The following SCUBE2 variants were observed in gnomAD, a reference collection of about 807,000 sequenced individuals.
The protein encoded by SCUBE2 is signal peptide, CUB and EGF-like domain-containing protein 2.
In SCUBE2, 114 loss-of-function variants were observed where a neutral mutation model predicts 125.9. The ratio of observed to expected loss-of-function variants is 0.91; its 90% CI spans 0.78 to 1.06. The LOEUF (loss-of-function observed/expected upper bound fraction) is 1.06, where lower values mean the gene tolerates loss of function less well. Ranked by LOEUF, SCUBE2 falls within the 50% of genes least tolerant of loss-of-function variation. SCUBE2 has a pLI of 0.00. For missense variants in SCUBE2, 1,255 were observed against 1,301.8 expected (o/e 0.96, Z 0.55); for synonymous variants, 459 against 492.9 (o/e 0.93, Z 0.91).
intron 7 of SCUBE2, chr11:9,065,094 G>A (rs2135686633): frequency 6.6e-6 from 1 of 152,276 alleles, no homozygotes; most frequent in South Asian, 2.1e-4. Flanking sequence ...TGCTTCAGAG[G>A]AAGACAGCTG....
In SCUBE2 at chr11:9,020,858, C is replaced by T. The variant is rs1021008910; in HGVS notation, c.*187G>A. On this transcript the variant is annotated 3_prime_UTR_variant, in exon 23 of 23. Transcript: ENST00000649792. The stretch of plus-strand genomic sequence containing the variant: ...CAAAGCCATTCTCAGTCTACATCCA[C>T]GATGCTGGGAAAGAAAAACCAAGTT... The T allele has an allele frequency of 9.8e-6, 5 of 510,902 alleles. No homozygotes were observed. Among genetic ancestry groups the T allele is most frequent in the South Asian group, 6.9e-5 (2 of 28,804 alleles). 31.6% of individuals were successfully genotyped at this position (510,902 alleles called of 1,614,324 possible).
intron 7 of SCUBE2, among the ~76,000 whole-genome samples, chr11:9,062,375 C>T (rs546283763): frequency 3.3e-5 from 5 of 152,326 alleles, no homozygotes; most frequent in East Asian, 3.9e-4. Context: ...AAAGACCTAA[C>T]GATATTAGCA....
chr11:9,079,995 A>C (rs567723723), intron 2 of SCUBE2, among the ~76,000 whole-genome samples: 1 of 152,364 alleles, frequency 6.6e-6, no homozygotes, highest in Admixed American at 6.5e-5. Context: ...GACTCAGAAG[A>C]GCAAAAACAA....
chr11:9,069,864 C>T, intron 4 of SCUBE2, among the ~76,000 whole-genome samples: 1 of 152,206 alleles, frequency 6.6e-6, no homozygotes, highest in East Asian at 1.9e-4. Flanking sequence ...AAGGAGAATC[C>T]TCCTAAGAAA....
At chr11:9,078,868 T>C (rs1188691643) in intron 3 of SCUBE2, among the ~76,000 whole-genome samples, 1 of 152,218 alleles carries the variant, frequency 6.6e-6, no homozygotes, top group Non-Finnish European at 1.5e-5. Flanking sequence ...TTGTAGTCTC[T>C]AACTCAGGGG....
intron 16 of SCUBE2, among the ~76,000 whole-genome samples, chr11:9,035,634 A>G (rs956198397): frequency 6.6e-6 from 1 of 152,180 alleles, no homozygotes; most frequent in Non-Finnish European, 1.5e-5. Flanking sequence ...ATTTGCATAT[A>G]TATTCTTAGG....
intron 18 of SCUBE2, 38 bp downstream of exon 18, chr11:9,030,720 A>C: frequency 6.3e-7 from 1 of 1,587,662 alleles, no homozygotes; most frequent in Non-Finnish European, 8.6e-7. Flanking sequence ...TAGAAGGGAA[A>C]TCCAGTCCTA....
At chr11:9,049,121 G>A (rs1249940769) in intron 14 of SCUBE2, among the ~76,000 whole-genome samples, 2 of 152,244 alleles carry the variant, frequency 1.3e-5, no homozygotes, top group Non-Finnish European at 2.9e-5. Flanking sequence ...ATAGTATAGA[G>A]TTCCCACATA....
intron 7 of SCUBE2, among the ~76,000 whole-genome samples, chr11:9,064,093 C>A (rs756591289): frequency 6.6e-6 from 1 of 151,654 alleles, no homozygotes; most frequent in Non-Finnish European, 1.5e-5. Flanking sequence ...GTGTGTATTG[C>A]GGGGGGAAGC....
chr11:9,047,709 G>T, intron 15 of SCUBE2, 147 bp from the exon 16 acceptor site: 1 of 952,476 alleles, frequency 1.0e-6, no homozygotes, highest in Non-Finnish European at 1.6e-6. Context: ...AGCAGGCTGG[G>T]CAGCATTTGA....
chr11:9,056,021 G>T, intron 9 of SCUBE2, 112 bp from the exon 10 acceptor site: 1 of 792,940 alleles, frequency 1.3e-6, no homozygotes, highest in Non-Finnish European at 2.2e-6. Flanking sequence ...TACACACAGA[G>T]TAAAAAACAT....
chr11:9,074,686 G>T (rs1861078988), intron 3 of SCUBE2, 71 bp from the exon 4 acceptor site: 2 of 1,570,300 alleles, frequency 1.3e-6, no homozygotes, highest in African/African-American at 2.7e-5. Flanking sequence ...AGCAGCTCAG[G>T]GGCCCTGCTA....
intron 16 of SCUBE2, among the ~76,000 whole-genome samples, chr11:9,041,835 G>A (rs2135312881): frequency 6.6e-6 from 1 of 152,292 alleles, no homozygotes; most frequent in African/African-American, 2.4e-5. Context: ...CAGGAGATGG[G>A]TTTGTGTGAT....
intron 13 of SCUBE2, among the ~76,000 whole-genome samples, chr11:9,051,019 C>T (rs1353076585): frequency 2.0e-5 from 3 of 152,024 alleles, no homozygotes; most frequent in Admixed American, 1.3e-4. Flanking sequence ...AAAAATTAGC[C>T]GGGCATGGTG....
intron 15 of SCUBE2, 148 bp from the exon 16 acceptor site, chr11:9,047,710 C>A (rs1402844331): frequency 1.3e-5 from 12 of 952,678 alleles, no homozygotes; most frequent in Non-Finnish European, 1.9e-5. Context: ...GCAGGCTGGG[C>A]AGCATTTGAT....
At chr11:9,066,959 C>T (rs1244998502) in intron 5 of SCUBE2, 146 bp from the exon 6 acceptor site, 1 of 654,672 alleles carries the variant, frequency 1.5e-6, no homozygotes, top group East Asian at 2.7e-5. Context: ...GACATAACTC[C>T]AAGTCAGACC....
chr11:9,053,279 T>C (rs1858622149), intron 11 of SCUBE2, 64 bp from the exon 12 acceptor site: 2 of 1,356,894 alleles, frequency 1.5e-6, no homozygotes, highest in Admixed American at 1.7e-5. Flanking sequence ...ACAAGGATGG[T>C]TGAGTCCCAT....
At chr11:9,074,949 C>T (rs1374961905) in intron 3 of SCUBE2, among the ~76,000 whole-genome samples, 1 of 152,160 alleles carries the variant, frequency 6.6e-6, no homozygotes, top group African/African-American at 2.4e-5. Flanking sequence ...GGTGTGGCGG[C>T]TCAAGCCTGT....
At chr11:9,070,758 C>T (rs1204433550) in intron 4 of SCUBE2, among the ~76,000 whole-genome samples, 1 of 152,194 alleles carries the variant, frequency 6.6e-6, no homozygotes, top group Non-Finnish European at 1.5e-5. Flanking sequence ...TGTGCTTAAA[C>T]GGAACAATTG....
Sources: allele counts gnomAD v4.1 joint callset (sites outside exome capture counted in the v4.1 genomes callset), GRCh38; gene constraint gnomAD v4.1.1; transcripts MANE v1.5; gene names NCBI Gene and HGNC (gene_info 2026-07-23, HGNC 2026-07-21).